Variants in TMEM132B observed in about 807,000 individuals in gnomAD.
The protein encoded by TMEM132B is transmembrane protein 132B.
A neutral mutation model predicts 90.8 loss-of-function variants in TMEM132B; 18 were observed. The observed-to-expected ratio is 0.20, with a 90% CI of 0.14 to 0.29. The LOEUF (loss-of-function observed/expected upper bound fraction) is 0.29, where lower values mean the gene tolerates loss of function less well. Ranked by LOEUF, TMEM132B falls within the 10% of genes least tolerant of loss-of-function variation. TMEM132B has a pLI of 1.00. For synonymous variants in TMEM132B, 504 were observed against 523.3 expected (o/e 0.96, Z 0.50); for missense variants, 1,096 against 1,326.8 (o/e 0.83, Z 2.70).
intron 3 of TMEM132B, among the ~76,000 whole-genome samples, chr12:125,457,117 G>A (rs1292241325): frequency 3.3e-5 from 5 of 152,166 alleles, no homozygotes; most frequent in African/African-American, 1.2e-4. Context: ...GCTCAGGGGG[G>A]CTGTTTATTC....
At chr12:125,526,697 AAC>A (rs1883471872) in intron 4 of TMEM132B, among the ~76,000 whole-genome samples, 1 of 152,168 alleles carries the variant, frequency 6.6e-6, no homozygotes, top group Non-Finnish European at 1.5e-5. Context: ...CATGAAGATA[AAC>A]ACACAGCTTT....
chr12:125,309,984 G>C (rs1050154999), intron 1 of TMEM132B, among the ~76,000 whole-genome samples: 6 of 152,150 alleles, frequency 3.9e-5, no homozygotes, highest in Admixed American at 3.9e-4. Flanking sequence ...GCTGTGGCTG[G>C]AACACCTCCA....
intron 2 of TMEM132B, among the ~76,000 whole-genome samples, chr12:125,370,806 G>A (rs986585519): frequency 6.6e-6 from 1 of 152,252 alleles, no homozygotes; most frequent in South Asian, 2.1e-4. Context: ...AACAGGAAAG[G>A]CAATGTCTTT....
intron 5 of TMEM132B, among the ~76,000 whole-genome samples, chr12:125,631,322 T>C (rs1886364561): frequency 6.6e-6 from 1 of 152,178 alleles, no homozygotes; most frequent in African/African-American, 2.4e-5. Context: ...TATTGATTTC[T>C]AGTTTTATTC....
intron 5 of TMEM132B, among the ~76,000 whole-genome samples, chr12:125,640,455 G>A (rs978444493): frequency 6.6e-6 from 1 of 152,198 alleles, no homozygotes; most frequent in African/African-American, 2.4e-5. Flanking sequence ...GCTAAGCCTA[G>A]GAGAGCTCAG....
intron 4 of TMEM132B, among the ~76,000 whole-genome samples, chr12:125,532,680 A>T (rs1883676574): frequency 6.6e-6 from 1 of 151,714 alleles, no homozygotes; most frequent in Non-Finnish European, 1.5e-5. Context: ...ATGCCCAGCT[A>T]ATTTTTGTAT....
chr12:125,280,623 G>C (rs1400703698), intron 1 of TMEM132B, among the ~76,000 whole-genome samples: 2 of 152,226 alleles, frequency 1.3e-5, no homozygotes, highest in African/African-American at 4.8e-5. Flanking sequence ...CAGGGCGCTG[G>C]GAGCAGATGC....
intron 2 of TMEM132B, among the ~76,000 whole-genome samples, chr12:125,377,886 G>A (rs781010618): frequency 1.8e-4 from 27 of 152,288 alleles, no homozygotes; most frequent in Non-Finnish European, 3.4e-4. Flanking sequence ...CTTGCATGGG[G>A]ACCTTACTCA....
intron 1 of TMEM132B, among the ~76,000 whole-genome samples, chr12:125,203,972 T>C (rs1210182441): frequency 1.3e-5 from 2 of 152,220 alleles, no homozygotes; most frequent in Non-Finnish European, 2.9e-5. Context: ...CTGAGAAGTA[T>C]AGAGAACCTT....
At position 125,326,701 on chromosome 12, in the gene TMEM132B, G is replaced by A. The variant is rs375510933; in HGVS notation, c.68-22751G>A. 8 of 1,599,286 alleles carry A rather than the reference G, an allele frequency of 5.0e-6. No individual in the cohort carries two copies. In the African/African-American group the frequency reaches 8.0e-5, roughly 16 times the overall value. On this transcript the variant is annotated intron_variant, in intron 1 of 8. Coordinates refer to ENST00000682704, the MANE Select transcript of TMEM132B (RefSeq NM_001366854.1). ...GTCGGAAGGAAGGGAATGGCCTGGT[G>A]CAACCAGGACAGGGATGGGACCAGA...
chr12:125,361,744 A>C (rs1034943810), intron 2 of TMEM132B, among the ~76,000 whole-genome samples: 8 of 152,228 alleles, frequency 5.3e-5, no homozygotes, highest in African/African-American at 1.9e-4. Context: ...TTCCGTTAAT[A>C]AGAACATGGT....
At chr12:125,451,996 G>T (rs1282779944) in intron 3 of TMEM132B, among the ~76,000 whole-genome samples, 1 of 152,164 alleles carries the variant, frequency 6.6e-6, no homozygotes, top group African/African-American at 2.4e-5. Flanking sequence ...GATTTGTGAG[G>T]CTTCTTCCAC....
chr12:125,218,769 GTTTTTTTT>G (rs34905706), intron 1 of TMEM132B, among the ~76,000 whole-genome samples: 3 of 108,854 alleles, frequency 2.8e-5, no homozygotes, highest in East Asian at 2.9e-4. Context: ...TGTTGAAGCT[GTTTTTTTT>G]TTTTTTTTTT....
intron 5 of TMEM132B, among the ~76,000 whole-genome samples, chr12:125,589,161 G>A (rs1227034522): frequency 6.6e-6 from 1 of 152,238 alleles, no homozygotes; most frequent in East Asian, 1.9e-4. Flanking sequence ...TTGGGCCTCT[G>A]TATTATTTTG....
At chr12:125,552,591 C>T (rs991913867) in intron 4 of TMEM132B, among the ~76,000 whole-genome samples, 2 of 152,188 alleles carry the variant, frequency 1.3e-5, no homozygotes, top group African/African-American at 4.8e-5. Context: ...CACTCCCGGG[C>T]CCCTCCCCAT....
At chr12:125,500,553 T>C (rs1001819334) in intron 3 of TMEM132B, among the ~76,000 whole-genome samples, 2 of 152,194 alleles carry the variant, frequency 1.3e-5, no homozygotes, top group African/African-American at 2.4e-5. Context: ...GACATGATAA[T>C]CTGAGGTTCC....
chr12:125,284,098 G>A (rs927107946), intron 1 of TMEM132B, among the ~76,000 whole-genome samples: 1 of 152,190 alleles, frequency 6.6e-6, no homozygotes, highest in Non-Finnish European at 1.5e-5. Context: ...CACTGTCTAG[G>A]TAGAGGTAAG....
At chr12:125,637,560 C>T (rs1284638291) in intron 5 of TMEM132B, among the ~76,000 whole-genome samples, 2 of 152,074 alleles carry the variant, frequency 1.3e-5, no homozygotes, top group Non-Finnish European at 2.9e-5. Flanking sequence ...AAAGGTGGGA[C>T]AACTGGAAGC....
At chr12:125,469,137 G>A (rs1881647150) in intron 3 of TMEM132B, among the ~76,000 whole-genome samples, 1 of 152,078 alleles carries the variant, frequency 6.6e-6, no homozygotes, top group Non-Finnish European at 1.5e-5. Context: ...GGTGAGAATG[G>A]GCATCTTTAC....
Sources: gnomAD v4.1 joint callset for allele counts (sites outside exome capture counted in the v4.1 genomes callset) on GRCh38, gnomAD v4.1.1 for gene constraint, MANE v1.5 for transcripts, NCBI Gene and HGNC (gene_info 2026-07-23, HGNC 2026-07-21) for gene names.